The following AFF3 variants were observed in gnomAD, a reference collection of about 807,000 sequenced individuals.
AFF3 encodes ALF transcription elongation factor 3.
AFF3 carries 32 observed loss-of-function variants against 129.7 expected under a neutral mutation model. The observed-to-expected ratio is 0.25, with a 90% CI of 0.19 to 0.33. The LOEUF (loss-of-function observed/expected upper bound fraction) is 0.33, where lower values mean the gene tolerates loss of function less well. Among genes scored for constraint, AFF3 ranks in the 10% least tolerant of loss-of-function variants. The pLI is 1.00. For synonymous variants in AFF3, 644 were observed against 635.4 expected, an observed-to-expected ratio of 1.01 and a Z score of -0.20; for missense variants, 1,373 against 1,592.0, an observed-to-expected ratio of 0.86 and a Z score of 2.34.
intron 7 of AFF3, among the ~76,000 whole-genome samples, chr2:99,953,450 C>G (rs897538520): frequency 6.6e-6 from 1 of 152,130 alleles, no homozygotes; most frequent in East Asian, 1.9e-4. Context: ...AAAAGAAGAC[C>G]ATAAACGTAA....
chr2:99,687,914 C>T (rs1675226365), intron 11 of AFF3, among the ~76,000 whole-genome samples: 1 of 152,122 alleles, frequency 6.6e-6, no homozygotes, highest in Non-Finnish European at 1.5e-5. Context: ...GTGATCTCAG[C>T]TTACTGCGAC....
At chr2:99,945,000 T>C (rs144705534) in intron 7 of AFF3, among the ~76,000 whole-genome samples, 91 of 152,302 alleles carry the variant, frequency 6.0e-4, no homozygotes, top group African/African-American at 1.9e-3. Flanking sequence ...TCCCCACTCA[T>C]TGGACACCTA....
rs1287464280 is a variant in AFF3, at chr2:99,863,036, G to A, written c.874-25512C>T. ...TCTCAGTGGATGTGTTTCCTGCAAAGGCAATGGCAGCACAGAAATTAAAAA... is the reference window on the plus strand; with the variant it reads ...TCTCAGTGGATGTGTTTCCTGCAAAAGCAATGGCAGCACAGAAATTAAAAA... On this transcript the variant is annotated intron_variant, in intron 7 of 24. Coordinates refer to ENST00000672756, the MANE Select transcript of AFF3 (RefSeq NM_001386135.1). Among the ~76,000 whole-genome samples, 12 of 152,240 alleles carry A rather than the reference G, an allele frequency of 7.9e-5. 1 individual carries two copies. The highest frequency in any genetic ancestry group is 7.9e-4 in the Admixed American group (12 of 15,280).
At chr2:100,112,896 G>T (rs556547729) in intron 2 of AFF3, among the ~76,000 whole-genome samples, 229 of 152,316 alleles carry the variant, frequency 1.5e-3, no homozygotes, top group African/African-American at 5.2e-3. Context: ...ACTCACCTGT[G>T]ATGCTTATTA....
intron 18 of AFF3, among the ~76,000 whole-genome samples, chr2:99,569,259 C>A (rs1235936117): frequency 6.6e-6 from 1 of 151,996 alleles, no homozygotes; most frequent in Non-Finnish European, 1.5e-5. Flanking sequence ...ATAAAACAAT[C>A]CCCTTTTAAT....
chr2:100,018,824 G>A (rs978131418), intron 4 of AFF3, among the ~76,000 whole-genome samples: 2 of 151,986 alleles, frequency 1.3e-5, no homozygotes, highest in African/African-American at 4.8e-5. Context: ...GCACAGGGCC[G>A]TCATCAATCA....
At chr2:99,817,512 ATTACT>A (rs1232932509) in intron 8 of AFF3, among the ~76,000 whole-genome samples, 1 of 152,078 alleles carries the variant, frequency 6.6e-6, no homozygotes, top group Non-Finnish European at 1.5e-5. Context: ...CTCCTTCCAG[ATTACT>A]GCCTTTAGCT....
At chr2:99,580,535 C>T (rs1677428299) in intron 17 of AFF3, among the ~76,000 whole-genome samples, 1 of 152,122 alleles carries the variant, frequency 6.6e-6, no homozygotes, top group Admixed American at 6.5e-5. Flanking sequence ...AGGGATGCTG[C>T]CAAACATCCT....
intron 22 of AFF3, among the ~76,000 whole-genome samples, 180 bp from the exon 23 acceptor site, chr2:99,554,912 G>A (rs1369237905): frequency 6.6e-6 from 1 of 152,202 alleles, no homozygotes; most frequent in African/African-American, 2.4e-5. Context: ...CTTTCTGGAA[G>A]GGAGTCGGGA....
chr2:99,629,885 C>T (rs1225303527), intron 13 of AFF3, among the ~76,000 whole-genome samples: 1 of 152,128 alleles, frequency 6.6e-6, no homozygotes, highest in Non-Finnish European at 1.5e-5. Flanking sequence ...AATCTAATCA[C>T]CCCCACCAAA....
At chr2:100,105,141 C>T (rs1691182413) in intron 3 of AFF3, 2 of 217,526 alleles carry the variant, frequency 9.2e-6, no homozygotes, top group Non-Finnish European at 1.6e-5. Context: ...TGTCGCATCC[C>T]TCGGCCGCCC....
chr2:99,865,585 T>C (rs1428079636), intron 7 of AFF3, among the ~76,000 whole-genome samples: 2 of 152,102 alleles, frequency 1.3e-5, no homozygotes, highest in Admixed American at 6.5e-5. Flanking sequence ...TCCAAGAACA[T>C]ATATATGAGT....
chr2:99,765,140 A>G (rs1226537391), intron 8 of AFF3, among the ~76,000 whole-genome samples: 1 of 152,218 alleles, frequency 6.6e-6, no homozygotes, highest in African/African-American at 2.4e-5. Flanking sequence ...AATACTTTTT[A>G]GTGGTAGCAC....
At chr2:100,074,036 T>C (rs1172670071) in intron 4 of AFF3, among the ~76,000 whole-genome samples, 1 of 152,128 alleles carries the variant, frequency 6.6e-6, no homozygotes, top group Non-Finnish European at 1.5e-5. Context: ...AGTAGAAAAC[T>C]GCGAACGACC....
intron 11 of AFF3, chr2:99,707,618 T>A (rs1677524641): frequency 1.0e-6 from 1 of 985,020 alleles, no homozygotes; most frequent in Non-Finnish European, 1.2e-6. Flanking sequence ...TTAACAAAGT[T>A]CCAAAGCTAA....
chr2:99,709,830 A>G (rs775967897), intron 11 of AFF3, among the ~76,000 whole-genome samples: 17 of 152,198 alleles, frequency 1.1e-4, no homozygotes, highest in Admixed American at 2.0e-4. Context: ...ATCGAACTTG[A>G]TCGTCTAGCT....
At position 99,695,879 on chromosome 2, in the gene AFF3, C is replaced by T. The variant is rs964214710; in HGVS notation, c.1092-23290G>A. Among the ~76,000 whole-genome samples, 14 of 127,792 alleles carry T rather than the reference C, an allele frequency of 1.1e-4. No individual in the cohort carries two copies. In the South Asian group the frequency reaches 1.4e-3, roughly 12 times the overall value. 83.8% of individuals were successfully genotyped at this position (127,792 alleles called of 152,430 possible). On this transcript the variant is annotated intron_variant, in intron 11 of 24. Coordinates refer to ENST00000672756, the MANE Select transcript of AFF3 (RefSeq NM_001386135.1). The stretch of plus-strand genomic sequence containing the variant: ...AACCAAAGATGATCAATCACAGGGT[C>T]GTTTTCCCTAGCCAGAGAGCTCTCT...
At chr2:99,650,093 C>T (rs541415037) in intron 12 of AFF3, among the ~76,000 whole-genome samples, 5 of 152,260 alleles carry the variant, frequency 3.3e-5, no homozygotes, top group South Asian at 2.1e-4. Flanking sequence ...ATTTTTCACT[C>T]GGATTTCAGA....
intron 4 of AFF3, among the ~76,000 whole-genome samples, chr2:100,029,093 A>G (rs1050076334): frequency 2.0e-5 from 3 of 152,202 alleles, no homozygotes; most frequent in African/African-American, 7.2e-5. Context: ...CTTAAGAAGA[A>G]AGAAAATCCT....
Sources: gnomAD v4.1 joint callset for allele counts (sites outside exome capture counted in the v4.1 genomes callset) on GRCh38, gnomAD v4.1.1 for gene constraint, MANE v1.5 for transcripts, NCBI Gene and HGNC (gene_info 2026-07-23, HGNC 2026-07-21) for gene names.